Variants in RCC1L observed in about 807,000 individuals in gnomAD.
RCC1L encodes RCC1 like, also known as RCC1-like G exchanging factor-like protein.
Under a neutral mutation model 58.6 loss-of-function variants are expected in RCC1L, and 46 were observed. The ratio of observed to expected loss-of-function variants is 0.79; its 90% CI spans 0.62 to 1.00. The LOEUF is 1.00. Ranked by LOEUF, RCC1L falls within the 50% of genes least tolerant of loss-of-function variation. The probability of loss-of-function intolerance (pLI) is 0.00; values close to 1 mark genes in which losing one functional copy is unlikely to be tolerated. For synonymous variants in RCC1L, 281 were observed against 262.9 expected (o/e 1.07, Z -0.67); for missense variants, 636 against 623.6 (o/e 1.02, Z -0.21).
At position 75,070,911 on chromosome 7, in the gene RCC1L, T is replaced by C. The variant is rs1327413699; in HGVS notation, c.325-142A>G. 14 of 1,096,798 alleles carry C rather than the reference T, an allele frequency of 1.3e-5. 1 individual carries two copies. The highest frequency in any genetic ancestry group is 5.3e-5 in the Admixed American group (2 of 37,542). The allele number at this position is 1,096,798 out of a possible 1,614,324, so 67.9% of individuals were successfully genotyped here. ...TTGTTTTTGAGACAGTCTCACTCTG[T>C]TGCCCAGGCTGGAGTGCAGTGGCGC... On this transcript the variant is annotated intron_variant, in intron 1 of 10. Coordinates refer to ENST00000610322, the MANE Select transcript of RCC1L (RefSeq NM_030798.5).
intron 10 of RCC1L, among the ~76,000 whole-genome samples, chr7:75,032,020 A>AT (rs1805318810): frequency 6.6e-6 from 1 of 152,198 alleles, no homozygotes; most frequent in South Asian, 2.1e-4. Context: ...CCAAAGTGTT[A>AT]TTTTTATTCC....
intron 10 of RCC1L, among the ~76,000 whole-genome samples, chr7:75,044,186 C>CA (rs1288253158): frequency 6.6e-5 from 10 of 152,218 alleles, no homozygotes; most frequent in African/African-American, 2.4e-4. Context: ...GGGCCATAGC[C>CA]AATCCAGCTA....
At chr7:75,047,951 T>TAAAAAA (rs1165495607) in intron 10 of RCC1L, among the ~76,000 whole-genome samples, 8 of 72,200 alleles carry the variant, frequency 1.1e-4, no homozygotes, top group Non-Finnish European at 1.4e-4. Context: ...GGCCAATAAT[T>TAAAAAA]AAAAAAAAAA....
At chr7:75,027,766 G>T (rs1027227400) in exon 11 of RCC1L, 2 of 516,016 alleles carry the variant, frequency 3.9e-6, no homozygotes, top group East Asian at 3.6e-5. Flanking sequence ...CATCCTGCTC[G>T]TGTAAAGCTT....
At chr7:75,072,175 T>G (rs1416615018) in intron 1 of RCC1L, among the ~76,000 whole-genome samples, 1 of 92,750 alleles carries the variant, frequency 1.1e-5, no homozygotes, top group Non-Finnish European at 2.3e-5. Flanking sequence ...TATATATATA[T>G]ATATATATAT....
chr7:75,054,493 C>G (rs1203741277), intron 9 of RCC1L, among the ~76,000 whole-genome samples: 1 of 152,228 alleles, frequency 6.6e-6, no homozygotes, highest in African/African-American at 2.4e-5. Flanking sequence ...ATGCTTCACA[C>G]AGATTTCTAA....
intron 4 of RCC1L, 114 bp downstream of exon 4, chr7:75,064,468 G>A (rs930367182): frequency 1.6e-5 from 18 of 1,132,738 alleles, no homozygotes; most frequent in Middle Eastern, 2.0e-4. Flanking sequence ...GAGTTCTCAC[G>A]GCCCCCTCTC....
chr7:75,061,574 T>C (rs1401327646), intron 5 of RCC1L, among the ~76,000 whole-genome samples: 1 of 152,104 alleles, frequency 6.6e-6, no homozygotes, highest in Non-Finnish European at 1.5e-5. Context: ...TCCATAACCC[T>C]TCTCCTCCCA....
downstream of RCC1L, among the ~76,000 whole-genome samples, chr7:75,040,695 C>T (rs1052634830): frequency 1.6e-3 from 249 of 152,272 alleles, no homozygotes; most frequent in Non-Finnish European, 3.1e-3. Context: ...CCCTGCTTCA[C>T]TGCAGAGGCG....
At chr7:75,050,929 C>G (rs1554443271) in intron 10 of RCC1L, among the ~76,000 whole-genome samples, 1 of 151,900 alleles carries the variant, frequency 6.6e-6, no homozygotes, top group African/African-American at 2.4e-5. Flanking sequence ...CCCATCTCTA[C>G]TAAAAATAAA....
intron 9 of RCC1L, among the ~76,000 whole-genome samples, chr7:75,055,044 G>A (rs1162551373): frequency 6.6e-6 from 1 of 152,220 alleles, no homozygotes; most frequent in Admixed American, 6.5e-5. Flanking sequence ...CAGGCCCCAC[G>A]TGGGAATGAG....
rs1293649747 is a variant in RCC1L at position 75,072,159 on chromosome 7, TAC to T, written c.324+1253_324+1254del. On this transcript the variant is annotated intron_variant, in intron 1 of 10. Coordinates refer to ENST00000610322, the MANE Select transcript of RCC1L (RefSeq NM_030798.5). ...AAATTTATACATATACATATACATA[TAC>T]ATATATATATATATATATATATATA... Among the ~76,000 whole-genome samples the T allele has an allele frequency of 4.1e-3, 228 of 55,116 alleles. 19 individuals carry two copies. Among genetic ancestry groups the T allele is most frequent in the Middle Eastern group, 9.8e-3 (1 of 102 alleles). The allele number at this position is 55,116 out of a possible 152,430, so 36.2% of individuals were successfully genotyped here.
chr7:75,066,370 C>T (rs997952223), intron 3 of RCC1L, among the ~76,000 whole-genome samples: 7 of 152,084 alleles, frequency 4.6e-5, no homozygotes, highest in East Asian at 3.9e-4. Context: ...AGGAGAATGG[C>T]GTGAACCCAG....
intron 1 of RCC1L, among the ~76,000 whole-genome samples, chr7:75,072,755 G>A (rs1213499161): frequency 2.0e-5 from 3 of 152,108 alleles, no homozygotes; most frequent in Admixed American, 6.6e-5. Flanking sequence ...CAAGGCGGGC[G>A]GATCGCTTGA....
At chr7:75,028,380 C>G (rs1186671340) in intron 10 of RCC1L, among the ~76,000 whole-genome samples, 1 of 152,110 alleles carries the variant, frequency 6.6e-6, no homozygotes, top group Middle Eastern at 3.2e-3. Flanking sequence ...CTTGGCCTCC[C>G]GAAGTGCTGG....
At chr7:75,046,784 T>G (rs1805732336) in intron 10 of RCC1L, among the ~76,000 whole-genome samples, 1 of 152,204 alleles carries the variant, frequency 6.6e-6, no homozygotes, top group African/African-American at 2.4e-5. Flanking sequence ...AGAATCCATT[T>G]AGGAACATCC....
chr7:75,042,774 AGACGTGCGG>A lies in RCC1L; in HGVS notation c.*249_*257del. 7.1e-7 allele frequency: 1 copy of A among 1,417,296 alleles called. No individual in the cohort carries two copies. The highest frequency in any genetic ancestry group is 1.4e-5 in the African/African-American group (1 of 69,228). The allele number at this position is 1,417,296 out of a possible 1,614,324, so 87.8% of individuals were successfully genotyped here. ...GTCGCATGTTACTTGGAGAGAACAG[AGACGTGCGG>A]GCCACAGCGGCCCACCAAAGGCTGC... On this transcript the variant is annotated 3_prime_UTR_variant, in exon 11 of 11. Coordinates refer to ENST00000610322, the MANE Select transcript of RCC1L (RefSeq NM_030798.5).
intron 9 of RCC1L, chr7:75,055,695 A>C: frequency 1.6e-6 from 1 of 640,264 alleles, no homozygotes; most frequent in Non-Finnish European, 2.8e-6. Context: ...AAACGAACCA[A>C]AATTAAAACT....
intron 10 of RCC1L, among the ~76,000 whole-genome samples, chr7:75,047,272 A>C (rs1488316064): frequency 1.3e-4 from 19 of 151,552 alleles, no homozygotes; most frequent in East Asian, 1.2e-3. Context: ...TGTATTTTTA[A>C]ATTTTTGTTT....
Sources: allele counts gnomAD v4.1 joint callset (sites outside exome capture counted in the v4.1 genomes callset), GRCh38; gene constraint gnomAD v4.1.1; transcripts MANE v1.5; gene names NCBI Gene and HGNC (gene_info 2026-07-23, HGNC 2026-07-21).